The following NAALADL2 variants were observed in gnomAD, a reference collection of about 807,000 sequenced individuals.
The protein encoded by NAALADL2 is inactive N-acetylated-alpha-linked acidic dipeptidase-like protein 2.
In NAALADL2, 76 loss-of-function variants were observed where a neutral mutation model predicts 87.2. That is an observed-to-expected ratio of 0.87 (90% CI 0.72 to 1.05). NAALADL2 has a LOEUF of 1.05. Ranked by LOEUF, NAALADL2 falls within the 50% of genes least tolerant of loss-of-function variation. The pLI is 0.00. For synonymous variants in NAALADL2, 354 were observed against 331.0 expected (o/e 1.07, Z -0.75); for missense variants, 1,089 against 945.8 (o/e 1.15, Z -1.99).
intron 2 of NAALADL2, among the ~76,000 whole-genome samples, chr3:174,696,605 A>G (rs200091781): frequency 0.4 from 57,846 of 144,860 alleles, 12,424 homozygotes; most frequent in East Asian, 0.71. Flanking sequence ...AAAAAAAAAA[A>G]AAAAAAAAAA....
chr3:175,110,350 T>C (rs548407707), intron 2 of NAALADL2, among the ~76,000 whole-genome samples: 2 of 151,918 alleles, frequency 1.3e-5, no homozygotes, highest in African/African-American at 4.8e-5. Context: ...ATACAGGCCA[T>C]ATTAGTGAGA....
At chr3:175,123,373 C>T (rs755247587) in intron 2 of NAALADL2, among the ~76,000 whole-genome samples, 7 of 151,974 alleles carry the variant, frequency 4.6e-5, no homozygotes, top group Non-Finnish European at 8.8e-5. Flanking sequence ...GTCATGATTT[C>T]TGTCATGAAA....
chr3:174,977,936 T>C (rs1744576877), intron 1 of NAALADL2, among the ~76,000 whole-genome samples: 1 of 152,240 alleles, frequency 6.6e-6, no homozygotes, highest in African/African-American at 2.4e-5. Context: ...TTTTATAATA[T>C]ATGTTCAAAA....
At chr3:175,012,213 G>A (rs1307680674) in intron 1 of NAALADL2, among the ~76,000 whole-genome samples, 1 of 152,140 alleles carries the variant, frequency 6.6e-6, no homozygotes, top group Non-Finnish European at 1.5e-5. Context: ...TGCCCAAACT[G>A]GAGTGCAATG....
chr3:174,534,453 A>C (rs956980612), intron 1 of NAALADL2, among the ~76,000 whole-genome samples: 1 of 152,218 alleles, frequency 6.6e-6, no homozygotes, highest in Non-Finnish European at 1.5e-5. Context: ...TGACATTATC[A>C]CAGATTCTGT....
chr3:174,787,576 C>CATATATATATATATATATATACATAT (rs1716826018), intron 3 of NAALADL2, among the ~76,000 whole-genome samples: 4 of 14,734 alleles, frequency 2.7e-4, no homozygotes, highest in African/African-American at 7.2e-4. Context: ...AATATATCAT[C>CATATATATATATATATATATACATAT]ATATATATAT....
chr3:174,781,010 A>G (rs1047831054), intron 3 of NAALADL2, among the ~76,000 whole-genome samples: 1 of 151,996 alleles, frequency 6.6e-6, no homozygotes, highest in Non-Finnish European at 1.5e-5. Flanking sequence ...CTTGTCTGTA[A>G]AGGATTTTAT....
At chr3:174,795,793 G>T (rs375628401) in intron 3 of NAALADL2, among the ~76,000 whole-genome samples, 1 of 152,082 alleles carries the variant, frequency 6.6e-6, no homozygotes, top group Non-Finnish European at 1.5e-5. Context: ...GTTGATATTT[G>T]AGCATTTTAT....
chr3:175,518,303 T>G (rs992308788), intron 9 of NAALADL2, among the ~76,000 whole-genome samples: 16 of 152,178 alleles, frequency 1.1e-4, no homozygotes, highest in African/African-American at 3.4e-4. Flanking sequence ...TCATCCTCTT[T>G]CCTAAATTTT....
chr3:175,197,470 T>G (rs1193224669), intron 2 of NAALADL2, among the ~76,000 whole-genome samples: 2 of 151,964 alleles, frequency 1.3e-5, no homozygotes, highest in African/African-American at 2.4e-5. Context: ...CACCAAAAAT[T>G]TTTCCAATAT....
intron 2 of NAALADL2, among the ~76,000 whole-genome samples, chr3:174,678,041 C>G (rs2108818428): frequency 6.6e-6 from 1 of 152,214 alleles, no homozygotes; most frequent in East Asian, 1.9e-4. Context: ...TGCACATGCA[C>G]ACATCTGTGA....
intron 2 of NAALADL2, among the ~76,000 whole-genome samples, chr3:174,663,962 ATT>A (rs1275716312): frequency 6.6e-6 from 1 of 151,586 alleles, no homozygotes; most frequent in African/African-American, 2.4e-5. Flanking sequence ...TAATTTTTGT[ATT>A]TTTAGTAGAG....
intron 1 of NAALADL2, among the ~76,000 whole-genome samples, chr3:174,946,736 G>A (rs1739480493): frequency 6.6e-6 from 1 of 152,124 alleles, no homozygotes; most frequent in African/African-American, 2.4e-5. Context: ...AGAGAATGTG[G>A]AAAGGTAGAT....
At chr3:175,339,590 G>A (rs1004359944) in intron 5 of NAALADL2, among the ~76,000 whole-genome samples, 3 of 152,140 alleles carry the variant, frequency 2.0e-5, no homozygotes, top group Non-Finnish European at 4.4e-5. Context: ...CTGAGCAAAA[G>A]AATGAATATG....
intron 3 of NAALADL2, among the ~76,000 whole-genome samples, chr3:175,248,701 C>CTG (rs1269134352): frequency 2.0e-5 from 3 of 152,158 alleles, no homozygotes; most frequent in African/African-American, 7.2e-5. Context: ...GCCGTGGCCA[C>CTG]TGTGTGAATG....
chr3:174,644,772 A>G (rs925873460), intron 2 of NAALADL2, among the ~76,000 whole-genome samples: 10 of 152,232 alleles, frequency 6.6e-5, no homozygotes, highest in Non-Finnish European at 1.5e-5. Context: ...AAGGTTTTTC[A>G]AGATATTTGT....
At chr3:175,551,904 C>T (rs1582368470) in intron 9 of NAALADL2, among the ~76,000 whole-genome samples, 1 of 125,606 alleles carries the variant, frequency 8.0e-6, no homozygotes, top group East Asian at 2.3e-4. Flanking sequence ...GACTGGGCAG[C>T]AGAGCGAGAC....
intron 11 of NAALADL2, among the ~76,000 whole-genome samples, chr3:175,673,518 T>C (rs1200674464): frequency 6.6e-6 from 1 of 151,716 alleles, no homozygotes; most frequent in Non-Finnish European, 1.5e-5. Flanking sequence ...TGGCTTTAAA[T>C]ATTAAAAACT....
chr3:175,787,589 C>G (rs1235354111), intron 13 of NAALADL2, among the ~76,000 whole-genome samples: 1 of 151,806 alleles, frequency 6.6e-6, no homozygotes, highest in East Asian at 1.9e-4. Context: ...GTGCGCGCAC[C>G]CACTGACCTG....
Sources: gnomAD v4.1 joint callset for allele counts (sites outside exome capture counted in the v4.1 genomes callset) on GRCh38, gnomAD v4.1.1 for gene constraint, MANE v1.5 for transcripts, NCBI Gene and HGNC (gene_info 2026-07-23, HGNC 2026-07-21) for gene names.